SH3RF3: variants seen among roughly 807,000 people sequenced by gnomAD.
SH3RF3 encodes the protein SH3 domain containing ring finger 3, also known as E3 ubiquitin-protein ligase SH3RF3.
A neutral mutation model predicts 66.3 loss-of-function variants in SH3RF3; 29 were observed. That is an observed-to-expected ratio of 0.44 (90% CI 0.33 to 0.60). The LOEUF (loss-of-function observed/expected upper bound fraction) is 0.60, where lower values mean the gene tolerates loss of function less well. SH3RF3 is among the 20% of genes least tolerant of loss of function. The pLI, the probability that SH3RF3 is intolerant of heterozygous loss-of-function variation, is 0.04. For synonymous variants in SH3RF3, 583 were observed against 532.0 expected, an observed-to-expected ratio of 1.10 and a Z score of -1.32; for missense variants, 1,194 against 1,190.9, an observed-to-expected ratio of 1.00 and a Z score of -0.04.
intron 1 of SH3RF3, among the ~76,000 whole-genome samples, chr2:109,300,640 C>T (rs531419442): frequency 2.6e-5 from 4 of 152,274 alleles, no homozygotes; most frequent in South Asian, 4.1e-4. Flanking sequence ...AGAAACCACT[C>T]GTCCTCCATC....
intron 2 of SH3RF3, among the ~76,000 whole-genome samples, chr2:109,369,381 A>G (rs957999481): frequency 6.6e-6 from 1 of 152,136 alleles, no homozygotes; most frequent in Admixed American, 6.5e-5. Flanking sequence ...AAAGCCCCAC[A>G]CACTCAACGC....
intron 4 of SH3RF3, among the ~76,000 whole-genome samples, chr2:109,418,690 A>C (rs1270386005): frequency 6.6e-6 from 1 of 152,170 alleles, no homozygotes; most frequent in Non-Finnish European, 1.5e-5. Flanking sequence ...ATAAGACCAC[A>C]AGCACTGGTG....
chr2:109,290,923 A>G (rs1299849419), intron 1 of SH3RF3, among the ~76,000 whole-genome samples: 1 of 152,238 alleles, frequency 6.6e-6, no homozygotes, highest in Non-Finnish European at 1.5e-5. Flanking sequence ...ATTCGTTGAG[A>G]ATAGCTGCTT....
chr2:109,289,096 A>G (rs1490198482), intron 1 of SH3RF3, among the ~76,000 whole-genome samples: 2 of 152,206 alleles, frequency 1.3e-5, no homozygotes, highest in African/African-American at 2.4e-5. Flanking sequence ...TGGCGTTATA[A>G]AGCTGAACTG....
At chr2:109,195,934 G>A (rs912185771) in intron 1 of SH3RF3, among the ~76,000 whole-genome samples, 10 of 152,132 alleles carry the variant, frequency 6.6e-5, no homozygotes, top group African/African-American at 9.7e-5. Context: ...TGAGCACCTC[G>A]CCCTGCAGCG....
At chr2:109,445,291 C>T (rs1677674299) in intron 7 of SH3RF3, among the ~76,000 whole-genome samples, 1 of 152,108 alleles carries the variant, frequency 6.6e-6, no homozygotes, top group South Asian at 2.1e-4. Flanking sequence ...TGAGAATTCT[C>T]CAAAATTGAA....
At chr2:109,446,227 T>G (rs1677699776) in intron 7 of SH3RF3, among the ~76,000 whole-genome samples, 1 of 152,164 alleles carries the variant, frequency 6.6e-6, no homozygotes, top group Non-Finnish European at 1.5e-5. Context: ...GTTTTTCTTC[T>G]CCAGTGGTTC....
chr2:109,317,411 C>T (rs192985550), intron 1 of SH3RF3, among the ~76,000 whole-genome samples: 6 of 152,148 alleles, frequency 3.9e-5, no homozygotes, highest in Non-Finnish European at 8.8e-5. Flanking sequence ...TCCCTGTTAG[C>T]GCTCAGAAGG....
intron 8 of SH3RF3, among the ~76,000 whole-genome samples, chr2:109,450,422 T>G (rs1677835279): frequency 6.6e-6 from 1 of 152,026 alleles, no homozygotes; most frequent in Non-Finnish European, 1.5e-5. Flanking sequence ...AGACGTTAGA[T>G]TAACCAGGAT....
At chr2:109,396,469 T>C (rs115806211) in intron 3 of SH3RF3, among the ~76,000 whole-genome samples, 2,556 of 152,382 alleles carry the variant, frequency 0.017, 27 homozygotes, top group Non-Finnish European at 0.026. Context: ...GCAGCCACCC[T>C]GCTCCTGTGA....
rs147186101 is a variant in SH3RF3, at chr2:109,454,627, A to G, written c.2148+5138A>G. On this transcript the variant is annotated intron_variant, in intron 8 of 9. Transcript: ENST00000309415. ...CACAGCAGCATTCTTCAAATGATCA[A>G]TCCAGTGGATTGGGACCCACATTTT... Among the ~76,000 whole-genome samples, 242 of 152,246 alleles carry G rather than the reference A, an allele frequency of 1.6e-3. 2 individuals are homozygous for G. The highest frequency in any genetic ancestry group is 5.6e-3 in the African/African-American group (231 of 41,538).
intron 1 of SH3RF3, among the ~76,000 whole-genome samples, chr2:109,206,561 C>A (rs1263141950): frequency 6.8e-6 from 1 of 146,210 alleles, no homozygotes; most frequent in Non-Finnish European, 1.5e-5. Flanking sequence ...ATAATCCCAG[C>A]AGTTTGGGAG....
chr2:109,214,140 G>A lies in SH3RF3; in HGVS notation c.573+84027G>A, dbSNP rs778375023. On this transcript the variant is annotated intron_variant, in intron 1 of 9. Coordinates refer to ENST00000309415, the MANE Select transcript of SH3RF3 (RefSeq NM_001099289.3). Reference sequence around the variant, plus strand: ...GGTGTGCCGGGTGCCCCCATGCTGCGTCTAGGTAGGGGCCTCAGCAGGCTG... The same window carrying A: ...GGTGTGCCGGGTGCCCCCATGCTGCATCTAGGTAGGGGCCTCAGCAGGCTG... 5.3e-5 allele frequency among the ~76,000 whole-genome samples: 8 copies of A among 152,198 alleles called. No homozygotes were observed. In the South Asian group the frequency reaches 6.2e-4, roughly 12 times the overall value.
intron 1 of SH3RF3, among the ~76,000 whole-genome samples, chr2:109,161,108 C>T (rs888738134): frequency 1.3e-5 from 2 of 152,144 alleles, no homozygotes; most frequent in Admixed American, 6.5e-5. Context: ...GAAGAGAAGC[C>T]GTTTGAGGCT....
intron 1 of SH3RF3, among the ~76,000 whole-genome samples, chr2:109,252,233 G>A (rs1046466592): frequency 1.4e-5 from 2 of 146,954 alleles, no homozygotes; most frequent in African/African-American, 5.1e-5. Flanking sequence ...AGGTGACACA[G>A]TGAGACCCTG....
chr2:109,449,341 C>T lies in SH3RF3; in HGVS notation c.2000C>T (p.Pro667Leu). The T allele has an allele frequency of 3.1e-6, 5 of 1,606,306 alleles. No homozygotes were observed. Among genetic ancestry groups the T allele is most frequent in the Non-Finnish European group, 4.3e-6 (5 of 1,175,546 alleles). ...CAGATGTGCCCACGGCCGGCCATCCCCCTCACATCAGCAGCATCAGCCATC... is the reference window on the plus strand; with the variant it reads ...CAGATGTGCCCACGGCCGGCCATCCTCCTCACATCAGCAGCATCAGCCATC... ...PVQMCPRPAI[P>L]LTSAASAITP... Residue 667 changes from proline (P) to leucine (L), a missense_variant, in exon 8 of 10, where the codon CCC (proline) becomes CTC (leucine). Physicochemically the swap from Pro to Leu is moderately conservative, Grantham distance 98 (BLOSUM62 -3). Coordinates refer to ENST00000309415, the MANE Select transcript of SH3RF3 (RefSeq NM_001099289.3).
At chr2:109,192,374 T>C (rs892383170) in intron 1 of SH3RF3, among the ~76,000 whole-genome samples, 12 of 152,230 alleles carry the variant, frequency 7.9e-5, no homozygotes, top group Admixed American at 2.6e-4. Context: ...GGCATCATTC[T>C]CAAAATGTGG....
chr2:109,304,819 T>C (rs571212836), intron 1 of SH3RF3, among the ~76,000 whole-genome samples: 7 of 152,242 alleles, frequency 4.6e-5, no homozygotes, highest in African/African-American at 1.4e-4. Flanking sequence ...ATTGCTAGAT[T>C]AGACCTCGTG....
chr2:109,318,026 A>C (rs1171522890), intron 1 of SH3RF3, among the ~76,000 whole-genome samples: 5 of 151,316 alleles, frequency 3.3e-5, no homozygotes, highest in South Asian at 4.2e-4. Flanking sequence ...TAAAAAGCAA[A>C]GGGCAGGGAG....
Sources: allele counts gnomAD v4.1 joint callset (sites outside exome capture counted in the v4.1 genomes callset), GRCh38; gene constraint gnomAD v4.1.1; transcripts MANE v1.5; gene names NCBI Gene and HGNC (gene_info 2026-07-23, HGNC 2026-07-21).